BIVM: variants seen among roughly 807,000 people sequenced by gnomAD.
BIVM encodes basic immunoglobulin-like variable motif-containing protein.
In BIVM, 31 loss-of-function variants were observed where a neutral mutation model predicts 61.4. The ratio of observed to expected loss-of-function variants is 0.51; its 90% CI spans 0.38 to 0.68. The LOEUF is 0.68. BIVM is among the 30% of genes least tolerant of loss of function. The pLI is 0.00. For missense variants in BIVM, 526 were observed against 596.0 expected (o/e 0.88, Z 1.22); for synonymous variants, 189 against 210.7 (o/e 0.90, Z 0.89).
intron 9 of BIVM, among the ~76,000 whole-genome samples, chr13:102,835,832 T>C (rs899871761): frequency 2.0e-5 from 3 of 152,192 alleles, no homozygotes; most frequent in Non-Finnish European, 2.9e-5. Context: ...CACGCCTGGC[T>C]GGGATTTGCC....
intron 3 of BIVM, among the ~76,000 whole-genome samples, chr13:102,813,699 C>T (rs1165368929): frequency 2.6e-5 from 4 of 152,150 alleles, no homozygotes; most frequent in African/African-American, 9.7e-5. Context: ...TATATTCCTT[C>T]AAAGTGTTGA....
At position 102,812,477 on chromosome 13, in the gene BIVM, A is replaced by G. The variant is rs150264814; in HGVS notation, c.479-3951A>G. Among the ~76,000 whole-genome samples, 716 of 152,312 alleles carry G rather than the reference A, an allele frequency of 4.7e-3. 4 individuals carry two copies. Among genetic ancestry groups the G allele is most frequent in the African/African-American group, 0.016 (666 of 41,552 alleles). ...ACATTCAAATATTATTTAATAATGC[A>G]GTAACTCTGGAAATCAATACCCATC... On this transcript the variant is annotated intron_variant, in intron 3 of 10. Coordinates refer to ENST00000257336, the MANE Select transcript of BIVM (RefSeq NM_017693.4).
At chr13:102,814,974 G>A (rs1339895046) in intron 3 of BIVM, among the ~76,000 whole-genome samples, 2 of 152,118 alleles carry the variant, frequency 1.3e-5, no homozygotes, top group African/African-American at 4.8e-5. Flanking sequence ...AGCCCCGGAG[G>A]CAGAGGTTGC....
In BIVM at chr13:102,821,077, A is replaced by C; in HGVS notation, c.646A>C (p.Ile216Leu). 1 of 1,613,628 alleles carries C rather than the reference A, an allele frequency of 6.2e-7. No homozygotes were observed. Among genetic ancestry groups the C allele is most frequent in the Non-Finnish European group, 8.5e-7 (1 of 1,179,884 alleles). ...ACCACAGTATAAGACTTCTTGTGGC[A>C]TCTCTTCATTAATTTCTTGTTGGAA... ...SRPQYKTSCG[I>L]SSLISCWNFL... The change falls in exon 5 of 11, where the codon ATC (isoleucine) becomes CTC (leucine). Residue 216 changes from isoleucine (I) to leucine (L), a missense_variant. Around this residue, in one of 3 missense-constraint regions of BIVM, gnomAD observed 312 missense variants for 343.8 expected, o/e 0.91. Coordinates refer to ENST00000257336, the MANE Select transcript of BIVM (RefSeq NM_017693.4).
At position 102,811,672 on chromosome 13, in the gene BIVM, C is replaced by T. The variant is rs191218477; in HGVS notation, c.478+3927C>T. On this transcript the variant is annotated intron_variant, in intron 3 of 10. Coordinates refer to ENST00000257336, the MANE Select transcript of BIVM (RefSeq NM_017693.4). ...CCAAGTAGCTGGGATTACAGGCGTG[C>T]GCCACCATGCCTGGCTAATTTTGTA... is the stretch of plus-strand genomic sequence containing the variant. 5.1e-4 allele frequency among the ~76,000 whole-genome samples: 77 copies of T among 151,954 alleles called. 1 individual carries two copies. The highest frequency in any genetic ancestry group is 9.3e-4 in the Non-Finnish European group (63 of 67,972).
chr13:102,839,396 T>C (rs556342344), intron 10 of BIVM, among the ~76,000 whole-genome samples, 176 bp from the exon 11 acceptor site: 1 of 152,112 alleles, frequency 6.6e-6, no homozygotes, highest in Non-Finnish European at 1.5e-5. Flanking sequence ...TGTTATATTT[T>C]GTAAAGGCAG....
rs371478448 is a variant in BIVM, at chr13:102,815,044, AAAACAAAC to A, written c.479-1364_479-1357del. Among the ~76,000 whole-genome samples, 52 of 152,086 alleles carry A rather than the reference AAAACAAAC, an allele frequency of 3.4e-4. No homozygotes were observed. In the South Asian group the frequency reaches 6.0e-3, roughly 18 times the overall value. On this transcript the variant is annotated intron_variant, in intron 3 of 10. Transcript: ENST00000257336. Reference sequence around the variant, plus strand: ...GGGCAACAAAGCAAGACCTTGTCTCAAAACAAACAAACAAACAAACAAACAAAAAGAAT... The same window carrying A: ...GGGCAACAAAGCAAGACCTTGTCTCAAAACAAACAAACAAACAAAAAGAAT...
chr13:102,826,741 G>C (rs935778796), intron 7 of BIVM, among the ~76,000 whole-genome samples: 1 of 152,134 alleles, frequency 6.6e-6, no homozygotes, highest in African/African-American at 2.4e-5. Context: ...CTGATTAGAA[G>C]AGGACTTCAT....
chr13:102,839,678 C>T lies in BIVM; in HGVS notation c.1325C>T (p.Pro442Leu). The T allele has an allele frequency of 6.2e-7, 1 of 1,614,178 alleles. No homozygotes were observed. The highest frequency in any genetic ancestry group is 8.5e-7 in the Non-Finnish European group (1 of 1,180,020). ...FGTIRQESQPPTHAQGIAKSE... is the reference protein window; with the variant it reads ...FGTIRQESQPLTHAQGIAKSE... ...ACCATTAGACAAGAATCACAACCTC[C>T]AACACATGCCCAGGGAATTGCCAAA... The change falls in exon 11 of 11, where the codon CCA (proline) becomes CTA (leucine). Residue 442 changes from proline (P) to leucine (L), a missense_variant. Transcript: ENST00000257336.
chr13:102,813,121 A>C (rs1344097316), intron 3 of BIVM, among the ~76,000 whole-genome samples: 1 of 152,126 alleles, frequency 6.6e-6, no homozygotes, highest in Non-Finnish European at 1.5e-5. Flanking sequence ...ATTACATCAG[A>C]CAGATTCTGC....
intron 3 of BIVM, among the ~76,000 whole-genome samples, chr13:102,811,800 G>A (rs931304393): frequency 2.6e-5 from 4 of 152,240 alleles, no homozygotes; most frequent in Admixed American, 6.5e-5. Context: ...TGGGATTACA[G>A]GCGTGAGCCA....
At chr13:102,819,973 T>C (rs1015986073) in intron 4 of BIVM, among the ~76,000 whole-genome samples, 1 of 152,132 alleles carries the variant, frequency 6.6e-6, no homozygotes, top group Non-Finnish European at 1.5e-5. Flanking sequence ...TAGAAAGCAG[T>C]TAGGAGAAGA....
Position 102,839,582 on chromosome 13 carries a change from A to G in BIVM, c.1229A>G (p.Asn410Ser). 2 of 1,613,090 alleles carry G rather than the reference A, an allele frequency of 1.2e-6. No homozygotes were observed. Among genetic ancestry groups the G allele is most frequent in the Non-Finnish European group, 1.7e-6 (2 of 1,179,420 alleles). Residue 410 changes from asparagine to serine, a missense_variant, in exon 11 of 11, where the codon AAT becomes AGT. Physicochemically the swap from Asn to Ser is conservative, Grantham distance 46. Around this residue, in one of 3 missense-constraint regions of BIVM, gnomAD observed 210 missense variants for 233.1 expected, o/e 0.90. Coordinates refer to ENST00000257336, the MANE Select transcript of BIVM (RefSeq NM_017693.4). ...TTTTTTTCTTCTCAGGTTGGGGGAAATTTGCATTGCATCATAGCATTCCAG... is the reference window on the plus strand; with the variant it reads ...TTTTTTTCTTCTCAGGTTGGGGGAAGTTTGCATTGCATCATAGCATTCCAG... The part of the protein sequence containing the change: ...QYRKTKKVGG[N>S]LHCIIAFQRL...
At chr13:102,831,347 T>C (rs1440739559) in intron 7 of BIVM, among the ~76,000 whole-genome samples, 1 of 152,226 alleles carries the variant, frequency 6.6e-6, no homozygotes, top group East Asian at 1.9e-4. Flanking sequence ...GTTCTTTAGT[T>C]TGCTAATGAG....
At chr13:102,816,060 G>A (rs541442753) in intron 3 of BIVM, among the ~76,000 whole-genome samples, 1 of 152,150 alleles carries the variant, frequency 6.6e-6, no homozygotes, top group Non-Finnish European at 1.5e-5. Flanking sequence ...TTTTACTGTC[G>A]ATAATTTGAT....
At chr13:102,809,206 A>C (rs941248393) in intron 3 of BIVM, among the ~76,000 whole-genome samples, 1 of 152,208 alleles carries the variant, frequency 6.6e-6, no homozygotes, top group African/African-American at 2.4e-5. Flanking sequence ...AAATTTTGAT[A>C]TGCTTATTAT....
intron 2 of BIVM, among the ~76,000 whole-genome samples, chr13:102,806,648 C>T (rs1174800590): frequency 6.6e-6 from 1 of 151,898 alleles, no homozygotes; most frequent in African/African-American, 2.4e-5. Flanking sequence ...TGGTGGCTCA[C>T]ATCTGTAATT....
chr13:102,801,316 T>C (rs74839665), intron 1 of BIVM, among the ~76,000 whole-genome samples: 4,142 of 151,822 alleles, frequency 0.027, 65 homozygotes, highest in Non-Finnish European at 0.032. Context: ...GGTGCAACTG[T>C]AACCTCCACC....
chr13:102,811,123 A>C (rs1054223441), intron 3 of BIVM, among the ~76,000 whole-genome samples: 4 of 152,248 alleles, frequency 2.6e-5, no homozygotes, highest in Non-Finnish European at 5.9e-5. Flanking sequence ...CAAACTAACA[A>C]AATAACACTG....
Sources: allele counts gnomAD v4.1 joint callset (sites outside exome capture counted in the v4.1 genomes callset), GRCh38; gene constraint gnomAD v4.1.1; regional missense constraint gnomAD v4.1.1; transcripts MANE v1.5; gene names NCBI Gene and HGNC (gene_info 2026-07-23, HGNC 2026-07-21).